The following USP14 variants were observed in gnomAD, a reference collection of about 807,000 sequenced individuals.
USP14 encodes ubiquitin specific peptidase 14.
Under a neutral mutation model 76.5 loss-of-function variants are expected in USP14, and 38 were observed. That is an observed-to-expected ratio of 0.50 (90% CI 0.38 to 0.65). The LOEUF is 0.65. Ranked by LOEUF, USP14 falls within the 30% of genes least tolerant of loss-of-function variation. The pLI is 0.00. For missense variants in USP14, 467 were observed against 586.5 expected, an observed-to-expected ratio of 0.80 and a Z score of 2.10; for synonymous variants, 192 against 191.7, an observed-to-expected ratio of 1.00 and a Z score of -0.01.
rs1909705357 is a variant in USP14, at chr18:178,944, A to G, written c.207A>G (p.Leu69=). The part of the protein sequence containing the change: ...GNIKIKNGMT[L]LMMGSADALP... ...TTTTTTAAAAACAGGGAATGACTCTACTAATGATGGGGTCAGCAGATGCTC... is the reference window on the plus strand; with the variant it reads ...TTTTTTAAAAACAGGGAATGACTCTGCTAATGATGGGGTCAGCAGATGCTC... The change falls in exon 4 of 16, where the codon CTA becomes CTG. Residue 69 remains leucine (L), a synonymous_variant. Coordinates refer to ENST00000261601, the MANE Select transcript of USP14 (RefSeq NM_005151.4). 2 of 1,610,526 alleles carry G rather than the reference A, an allele frequency of 1.2e-6. No homozygotes were observed. Among genetic ancestry groups the G allele is most frequent in the Non-Finnish European group, 1.7e-6 (2 of 1,178,738 alleles).
rs1555603830 is a variant in USP14, at chr18:213,975, T to TTAGATTAGA, written c.*2696_*2697insTAGATAGAT. 3 of 150,100 alleles carry TTAGATTAGA rather than the reference T, an allele frequency of 2.0e-5. No homozygotes were observed. The highest frequency in any genetic ancestry group is 6.7e-5 in the Admixed American group (1 of 15,034). 9.3% of individuals were successfully genotyped at this position (150,100 alleles called of 1,614,324 possible). ...TTCTGTAATGGACAAGATAGATAGA[T>TTAGATTAGA]TAGATAGATAGATAGATAGATAGAT... On this transcript the variant is annotated 3_prime_UTR_variant, in exon 16 of 16. Coordinates refer to ENST00000261601, the MANE Select transcript of USP14 (RefSeq NM_005151.4).
chr18:193,045 G>T, intron 6 of USP14, 145 bp downstream of exon 6: 1 of 485,334 alleles, frequency 2.1e-6, no homozygotes, highest in Non-Finnish European at 3.5e-6. Flanking sequence ...TAAACAACTT[G>T]GTACTTATTT....
chr18:193,199 G>A (rs375669299), intron 6 of USP14, among the ~76,000 whole-genome samples: 1 of 152,102 alleles, frequency 6.6e-6, no homozygotes, highest in African/African-American at 2.4e-5. Context: ...AGCCAGCGAC[G>A]GGTTTTATCA....
intron 1 of USP14, 37 bp from the exon 2 acceptor site, chr18:163,271 T>A (rs1909174312): frequency 6.5e-7 from 1 of 1,546,450 alleles, no homozygotes; most frequent in Non-Finnish European, 8.8e-7. Context: ...CTTGTCTTGT[T>A]ATTTTTTAAT....
At position 170,233 on chromosome 18, in the gene USP14, G is replaced by A. The variant is rs569304840; in HGVS notation, c.195+3414G>A. On this transcript the variant is annotated intron_variant, in intron 3 of 15. Coordinates refer to ENST00000261601, the MANE Select transcript of USP14 (RefSeq NM_005151.4). ...GCAGGAGAATTGCTTGAGCCTGGGA[G>A]ATGGAGGTTGCAGTGAGCTGAGATC... is the stretch of plus-strand genomic sequence containing the variant. Among the ~76,000 whole-genome samples, 19 of 152,280 alleles carry A rather than the reference G, an allele frequency of 1.2e-4. No homozygotes were observed. The East Asian group carries it at 3.3e-3, about 26-fold the overall frequency.
intron 3 of USP14, among the ~76,000 whole-genome samples, chr18:169,292 C>T (rs576014198): frequency 3.7e-4 from 50 of 136,936 alleles, no homozygotes; most frequent in African/African-American, 1.2e-3. Context: ...CTTTGGGAGG[C>T]GGAGGTTGCA....
intron 6 of USP14, among the ~76,000 whole-genome samples, chr18:193,581 C>T (rs1910150277): frequency 1.3e-5 from 2 of 152,176 alleles, no homozygotes; most frequent in South Asian, 2.1e-4. Context: ...TTCATAACAT[C>T]TAGCAGTCAC....
chr18:170,196 C>T (rs1338706751), intron 3 of USP14, among the ~76,000 whole-genome samples: 2 of 151,914 alleles, frequency 1.3e-5, no homozygotes, highest in Admixed American at 6.6e-5. Context: ...CCCAGCTATT[C>T]GGGAGGCTGA....
At chr18:182,648 G>C (rs1326979257) in intron 5 of USP14, among the ~76,000 whole-genome samples, 2 of 152,196 alleles carry the variant, frequency 1.3e-5, no homozygotes, top group African/African-American at 4.8e-5. Context: ...GATGGGAAAT[G>C]TAGGCTGCTA....
At chr18:161,428 A>T (rs1909115071) in intron 1 of USP14, among the ~76,000 whole-genome samples, 1 of 152,122 alleles carries the variant, frequency 6.6e-6, no homozygotes, top group Admixed American at 6.6e-5. Context: ...ACTAACACCT[A>T]ATCTTTTCTT....
At chr18:172,233 G>A (rs1041911591) in intron 3 of USP14, among the ~76,000 whole-genome samples, 8 of 152,116 alleles carry the variant, frequency 5.3e-5, no homozygotes, top group African/African-American at 1.9e-4. Flanking sequence ...GTGAGACCCT[G>A]TATCTAAAAA....
chr18:197,950 A>G (rs925888417), intron 8 of USP14, 97 bp from the exon 9 acceptor site: 2 of 1,102,026 alleles, frequency 1.8e-6, no homozygotes, highest in Admixed American at 2.9e-5. Context: ...AAGGGACTAC[A>G]TTTTTAAAAA....
chr18:162,815 TG>T (rs1366114206), intron 1 of USP14, among the ~76,000 whole-genome samples: 1 of 151,870 alleles, frequency 6.6e-6, no homozygotes, highest in Non-Finnish European at 1.5e-5. Flanking sequence ...TTTTTTTTTT[TG>T]AGATGGAGTC....
At chr18:189,823 A>G (rs1370558804) in intron 5 of USP14, among the ~76,000 whole-genome samples, 2 of 152,182 alleles carry the variant, frequency 1.3e-5, no homozygotes, top group Non-Finnish European at 2.9e-5. Flanking sequence ...AGAGTATACA[A>G]ATTATAAGTG....
In USP14 at chr18:158,705, C is replaced by T; in HGVS notation, c.7C>T (p.Leu3Phe). Reference protein sequence around the residue: MPLYSVTVKWGKE... With the variant: MPFYSVTVKWGKE... ...CCTCCCGCCGCGCCCCGCCATGCCG[C>T]TCTACTCCGGTGAGCCCTGTCCTGG... Residue 3 changes from leucine to phenylalanine, a missense_variant, in exon 1 of 16, where the codon CTC becomes TTC. Transcript: ENST00000261601. 6.5e-7 allele frequency: 1 copy of T among 1,536,412 alleles called. No individual in the cohort carries two copies. The highest frequency in any genetic ancestry group is 8.7e-7 in the Non-Finnish European group (1 of 1,151,218).
intron 3 of USP14, among the ~76,000 whole-genome samples, chr18:173,175 C>G (rs1331795901): frequency 1.3e-5 from 2 of 150,286 alleles, no homozygotes; most frequent in African/African-American, 4.9e-5. Flanking sequence ...GTGGCACGAT[C>G]TCGGCTCACT....
intron 5 of USP14, among the ~76,000 whole-genome samples, chr18:187,106 A>G (rs1435482098): frequency 1.3e-5 from 2 of 152,190 alleles, no homozygotes; most frequent in African/African-American, 4.8e-5. Context: ...ACTACTGGTA[A>G]GATTGAACTA....
intron 3 of USP14, among the ~76,000 whole-genome samples, chr18:167,959 CAG>C (rs1345788005): frequency 1.8e-5 from 2 of 112,188 alleles, no homozygotes; most frequent in Admixed American, 2.3e-4. Flanking sequence ...TTTTTTGAGA[CAG>C]AGTCTCACTC....
chr18:165,198 G>A (rs377410575), intron 2 of USP14, among the ~76,000 whole-genome samples: 14 of 151,442 alleles, frequency 9.2e-5, no homozygotes, highest in African/African-American at 3.2e-4. Flanking sequence ...TGCCTGCCTC[G>A]GGCCTCCCAA....
Sources: gnomAD v4.1 joint callset for allele counts (sites outside exome capture counted in the v4.1 genomes callset) on GRCh38, gnomAD v4.1.1 for gene constraint, MANE v1.5 for transcripts, NCBI Gene and HGNC (gene_info 2026-07-23, HGNC 2026-07-21) for gene names.